Variants in NEGR1 observed in about 807,000 individuals in gnomAD.
NEGR1 encodes the protein IgLON family member 4.
NEGR1 carries 10 observed loss-of-function variants against 40.9 expected under a neutral mutation model. The ratio of observed to expected loss-of-function variants is 0.24; its 90% confidence interval spans 0.15 to 0.42. NEGR1 has a LOEUF of 0.42. Among genes scored for constraint, NEGR1 ranks in the 10% least tolerant of loss-of-function variants. NEGR1 has a pLI of 1.00. For synonymous variants in NEGR1, 185 were observed against 166.8 expected (o/e 1.11, Z -0.84); for missense variants, 352 against 438.9 (o/e 0.80, Z 1.77).
intron 1 of NEGR1, among the ~76,000 whole-genome samples, chr1:72,038,958 A>G (rs1387593143): frequency 6.6e-6 from 1 of 151,770 alleles, no homozygotes; most frequent in Non-Finnish European, 1.5e-5. Flanking sequence ...TATAAACAAA[A>G]TAAAATGTGA....
At chr1:71,613,656 G>GA (rs59515553) in intron 4 of NEGR1, among the ~76,000 whole-genome samples, 237 of 130,772 alleles carry the variant, frequency 1.8e-3, no homozygotes, top group African/African-American at 2.5e-3. Context: ...ACTCCATCTC[G>GA]AAAAAAAAAA....
rs189739101 is a variant in NEGR1, at chr1:71,906,163, T to C, written c.409+28916A>G. 1.4e-3 allele frequency among the ~76,000 whole-genome samples: 215 copies of C among 152,222 alleles called. 1 individual carries two copies. The highest frequency in any genetic ancestry group is 5.0e-3 in the African/African-American group (209 of 41,564). On this transcript the variant is annotated intron_variant, in intron 2 of 6. Coordinates refer to ENST00000357731, the MANE Select transcript of NEGR1 (RefSeq NM_173808.3). The stretch of plus-strand genomic sequence containing the variant: ...CCAATTCTGGGTGCTGCCCAATTCA[T>C]AAGCCATTCTTTGTTCAAATAAACA...
At chr1:71,836,103 T>G (rs1278823807) in intron 2 of NEGR1, among the ~76,000 whole-genome samples, 2 of 152,042 alleles carry the variant, frequency 1.3e-5, no homozygotes, top group African/African-American at 4.8e-5. Context: ...TCTCTGACTA[T>G]GTACTGCATG....
chr1:72,010,501 T>A (rs1405025660), intron 1 of NEGR1, among the ~76,000 whole-genome samples: 3 of 152,082 alleles, frequency 2.0e-5, no homozygotes, highest in African/African-American at 7.2e-5. Context: ...CAAAAATGGA[T>A]AAAAATGAAA....
chr1:71,957,861 C>G (rs567349068), intron 1 of NEGR1, among the ~76,000 whole-genome samples: 88 of 152,328 alleles, frequency 5.8e-4, no homozygotes, highest in African/African-American at 2.0e-3. Context: ...GGCTTTCCAG[C>G]CATTTCTCCT....
At chr1:72,086,863 C>A (rs1240451228) in intron 1 of NEGR1, among the ~76,000 whole-genome samples, 3 of 151,790 alleles carry the variant, frequency 2.0e-5, no homozygotes, top group African/African-American at 7.3e-5. Context: ...ACTTTTATTT[C>A]AATGCATATG....
In NEGR1 at chr1:71,698,009, G is replaced by A; in HGVS notation, c.666C>T (p.Asn222=). 1 of 1,610,430 alleles carries A rather than the reference G, an allele frequency of 6.2e-7. No individual in the cohort carries two copies. The highest frequency in any genetic ancestry group is 8.5e-7 in the Non-Finnish European group (1 of 1,177,708). ...TTGATAAAAGGTGATGACACTTACA[G>A]TTGACAACAACTTTTACTTTCCTCA... ...PDVRKVKVVV[N]FAPTIQEIKS... is the part of the protein sequence containing the mutation. Residue 222 remains asparagine, a splice_region_variant and synonymous_variant, in exon 4 of 7, where the codon AAC becomes AAT. Coordinates refer to ENST00000357731, the MANE Select transcript of NEGR1 (RefSeq NM_173808.3).
intron 6 of NEGR1, among the ~76,000 whole-genome samples, chr1:71,550,436 G>T (rs1648038258): frequency 6.6e-6 from 1 of 151,460 alleles, no homozygotes; most frequent in Non-Finnish European, 1.5e-5. Flanking sequence ...CTCCTGGCAA[G>T]GTTCAGAGTT....
intron 3 of NEGR1, among the ~76,000 whole-genome samples, chr1:71,758,207 A>C (rs933866379): frequency 6.6e-6 from 1 of 152,140 alleles, no homozygotes; most frequent in African/African-American, 2.4e-5. Context: ...ATAGAAGTTT[A>C]ATAATCATAA....
chr1:72,261,404 A>C (rs938589238), intron 1 of NEGR1, among the ~76,000 whole-genome samples: 1 of 152,236 alleles, frequency 6.6e-6, no homozygotes, highest in South Asian at 2.1e-4. Context: ...TTCATTATGC[A>C]GAACACTGGT....
At position 71,418,775 on chromosome 1, in the gene NEGR1, A is replaced by T. The variant is rs545137645; in HGVS notation, c.941-11205T>A. Among the ~76,000 whole-genome samples, 7 of 152,202 alleles carry T rather than the reference A, an allele frequency of 4.6e-5. No homozygotes were observed. In the East Asian group the frequency reaches 1.2e-3, roughly 25 times the overall value. On this transcript the variant is annotated intron_variant, in intron 6 of 6. Coordinates refer to ENST00000357731, the MANE Select transcript of NEGR1 (RefSeq NM_173808.3). ...TGCTTAGGTACTTGCTTCCTCACCT[A>T]GATTTCGCATTTCTAAAGAGCCGGC...
chr1:71,439,961 T>C (rs1646536269), intron 6 of NEGR1: 1 of 152,150 alleles, frequency 6.6e-6, no homozygotes. Flanking sequence ...TTAGCACTTG[T>C]GTTCATTTCT....
intron 1 of NEGR1, among the ~76,000 whole-genome samples, chr1:72,121,982 C>G (rs182800593): frequency 6.6e-6 from 1 of 151,960 alleles, no homozygotes; most frequent in Non-Finnish European, 1.5e-5. Context: ...TATGTAAATA[C>G]TGTTTACCCA....
intron 1 of NEGR1, among the ~76,000 whole-genome samples, chr1:72,065,030 T>C (rs1647239240): frequency 6.6e-6 from 1 of 152,038 alleles, no homozygotes; most frequent in African/African-American, 2.4e-5. Flanking sequence ...AAAACAAATT[T>C]CAAGTATTCC....
rs571662912 is a variant in NEGR1, at chr1:71,572,448, A to T, written c.940+20369T>A. Among the ~76,000 whole-genome samples the T allele has an allele frequency of 3.0e-4, 46 of 152,278 alleles. No homozygotes were observed. In the South Asian group the frequency reaches 9.3e-3, roughly 31 times the overall value. On this transcript the variant is annotated intron_variant, in intron 6 of 6. Transcript: ENST00000357731. The stretch of plus-strand genomic sequence containing the variant: ...ACACATACTTATTTTCAGTATTCTG[A>T]ACAGAAAATAATATGCTCAACAACA...
chr1:72,012,929 C>T (rs1646672332), intron 1 of NEGR1, among the ~76,000 whole-genome samples: 1 of 147,644 alleles, frequency 6.8e-6, no homozygotes, highest in Non-Finnish European at 1.5e-5. Context: ...AAAAAACTTT[C>T]CCTTTAGCTT....
At chr1:71,703,155 A>C (rs553681611) in intron 3 of NEGR1, 1 of 152,268 alleles carries the variant, frequency 6.6e-6, no homozygotes, top group South Asian at 2.1e-4. Context: ...AGAGACATTG[A>C]TCTTTGATGA....
intron 5 of NEGR1, among the ~76,000 whole-genome samples, chr1:71,608,739 A>G (rs1650147952): frequency 6.6e-6 from 1 of 151,894 alleles, no homozygotes; most frequent in South Asian, 2.1e-4. Context: ...GATTTGGGGA[A>G]CTCCTGCAAT....
At chr1:71,884,259 G>A (rs1660663335) in intron 2 of NEGR1, among the ~76,000 whole-genome samples, 1 of 151,774 alleles carries the variant, frequency 6.6e-6, no homozygotes, top group South Asian at 2.1e-4. Context: ...GTGATATTTT[G>A]CCTCACTTCT....
Sources: allele counts gnomAD v4.1 joint callset (sites outside exome capture counted in the v4.1 genomes callset), GRCh38; gene constraint gnomAD v4.1.1; transcripts MANE v1.5; gene names NCBI Gene and HGNC (gene_info 2026-07-23, HGNC 2026-07-21).